The following CNTN5 variants were observed in gnomAD, a reference collection of about 807,000 sequenced individuals.
CNTN5 encodes the protein contactin 5.
Under a neutral mutation model 129.1 loss-of-function variants are expected in CNTN5, and 77 were observed. That is an observed-to-expected ratio of 0.60 (90% CI 0.50 to 0.72). CNTN5 has a LOEUF of 0.72. CNTN5 is among the 30% of genes least tolerant of loss of function. The pLI is 0.00. For missense variants in CNTN5, 1,478 were observed against 1,328.8 expected, an observed-to-expected ratio of 1.11 and a Z score of -1.75; for synonymous variants, 509 against 465.6, an observed-to-expected ratio of 1.09 and a Z score of -1.20.
chr11:99,125,952 C>T (rs1159713365), intron 1 of CNTN5, among the ~76,000 whole-genome samples: 2 of 152,044 alleles, frequency 1.3e-5, no homozygotes, highest in African/African-American at 4.8e-5. Context: ...ATTCCACTTA[C>T]ATGTTCAGAA....
intron 9 of CNTN5, among the ~76,000 whole-genome samples, chr11:100,041,108 C>T (rs752011027): frequency 6.6e-6 from 1 of 152,110 alleles, no homozygotes; most frequent in Non-Finnish European, 1.5e-5. Context: ...CCTATTCGGC[C>T]ATCTTGGCTC....
chr11:99,460,297 ATTAT>A (rs1944647893), intron 2 of CNTN5, among the ~76,000 whole-genome samples: 1 of 151,542 alleles, frequency 6.6e-6, no homozygotes, highest in South Asian at 2.1e-4. Flanking sequence ...AGAAATATTA[ATTAT>A]TTAAGAAATT....
At chr11:99,934,744 G>A (rs1042084797) in intron 7 of CNTN5, among the ~76,000 whole-genome samples, 1 of 151,582 alleles carries the variant, frequency 6.6e-6, no homozygotes, top group South Asian at 2.1e-4. Flanking sequence ...AATTAGCTGG[G>A]TGTGGTGGTA....
intron 3 of CNTN5, among the ~76,000 whole-genome samples, chr11:99,761,050 A>C (rs1444603565): frequency 6.6e-6 from 1 of 152,124 alleles, no homozygotes; most frequent in Non-Finnish European, 1.5e-5. Flanking sequence ...GCTGTGATGA[A>C]AGATAAGTTA....
intron 1 of CNTN5, among the ~76,000 whole-genome samples, chr11:99,172,394 A>G (rs1377336601): frequency 6.6e-6 from 1 of 152,234 alleles, no homozygotes; most frequent in African/African-American, 2.4e-5. Flanking sequence ...TCGTTTAATT[A>G]AATTAATCTT....
intron 3 of CNTN5, among the ~76,000 whole-genome samples, chr11:99,688,227 A>G (rs1202478924): frequency 6.6e-6 from 1 of 152,200 alleles, no homozygotes; most frequent in Non-Finnish European, 1.5e-5. Flanking sequence ...TAATAAATGC[A>G]GACAGCATCT....
At chr11:99,812,366 T>C (rs1316797379) in intron 3 of CNTN5, among the ~76,000 whole-genome samples, 1 of 152,110 alleles carries the variant, frequency 6.6e-6, no homozygotes, top group Non-Finnish European at 1.5e-5. Context: ...TCTCATTTTG[T>C]GACCCAGTCA....
At chr11:100,054,176 A>G (rs1487973943) in intron 9 of CNTN5, among the ~76,000 whole-genome samples, 1 of 151,734 alleles carries the variant, frequency 6.6e-6, no homozygotes, top group African/African-American at 2.4e-5. Flanking sequence ...AGAGCAGCAC[A>G]AAAGAATTAA....
intron 7 of CNTN5, among the ~76,000 whole-genome samples, chr11:99,923,502 C>A (rs1402932376): frequency 2.0e-5 from 3 of 152,102 alleles, no homozygotes; most frequent in Non-Finnish European, 4.4e-5. Context: ...TCATTTATTA[C>A]TATTTTACTT....
In CNTN5 at chr11:100,081,393, C is replaced by G. The variant is rs186734104; in HGVS notation, c.1580+7099C>G. ...AACTTTAATGAAGTCAATTAAGAAA[C>G]CAGCAGAGGAAAAATTTTACTCACT... On this transcript the variant is annotated intron_variant, in intron 13 of 24. Coordinates refer to ENST00000524871, the MANE Select transcript of CNTN5 (RefSeq NM_014361.4). Among the ~76,000 whole-genome samples the G allele has an allele frequency of 1.5e-4, 23 of 152,140 alleles. No homozygotes were observed. In the East Asian group the frequency reaches 4.1e-3, roughly 27 times the overall value.
intron 7 of CNTN5, among the ~76,000 whole-genome samples, chr11:99,920,854 A>G (rs978026466): frequency 1.3e-5 from 2 of 152,160 alleles, no homozygotes; most frequent in African/African-American, 2.4e-5. Flanking sequence ...TCAACATACT[A>G]CTTTTGAGGG....
intron 3 of CNTN5, among the ~76,000 whole-genome samples, chr11:99,763,202 T>C (rs1315281264): frequency 6.6e-6 from 1 of 152,112 alleles, no homozygotes; most frequent in Non-Finnish European, 1.5e-5. Flanking sequence ...TGTGTATCAG[T>C]TTTTCACTTG....
intron 8 of CNTN5, among the ~76,000 whole-genome samples, chr11:99,989,696 T>TA (rs1348210773): frequency 6.6e-6 from 1 of 152,102 alleles, no homozygotes; most frequent in Non-Finnish European, 1.5e-5. Flanking sequence ...TACTTTTCTT[T>TA]AAAAAAAACT....
At chr11:99,815,181 A>T (rs1946543921) in intron 3 of CNTN5, among the ~76,000 whole-genome samples, 1 of 151,140 alleles carries the variant, frequency 6.6e-6, no homozygotes, top group Non-Finnish European at 1.5e-5. Flanking sequence ...AGATGTACAG[A>T]AAAACACACT....
intron 1 of CNTN5, among the ~76,000 whole-genome samples, chr11:99,029,791 T>A (rs1863276825): frequency 6.6e-6 from 1 of 152,192 alleles, no homozygotes; most frequent in African/African-American, 2.4e-5. Context: ...TATTTGAGTT[T>A]CTTCTCAGTT....
intron 1 of CNTN5, among the ~76,000 whole-genome samples, chr11:99,262,610 TTCTC>T (rs200552419): frequency 6.7e-6 from 1 of 148,782 alleles, no homozygotes; most frequent in Non-Finnish European, 1.5e-5. Context: ...CTTTTTTTTT[TTCTC>T]TCTCTTTTTT....
chr11:100,257,134 G>A (rs563018308), intron 17 of CNTN5, among the ~76,000 whole-genome samples: 8 of 152,086 alleles, frequency 5.3e-5, no homozygotes, highest in Non-Finnish European at 8.8e-5. Flanking sequence ...GGATTGAGTC[G>A]GTGGTTTACC....
At chr11:99,490,390 C>G (rs1046939004) in intron 2 of CNTN5, among the ~76,000 whole-genome samples, 2 of 152,122 alleles carry the variant, frequency 1.3e-5, no homozygotes, top group African/African-American at 4.8e-5. Flanking sequence ...TGCTTACAAA[C>G]ATAATTTTTA....
At chr11:99,105,369 G>T (rs990363362) in intron 1 of CNTN5, among the ~76,000 whole-genome samples, 2 of 152,136 alleles carry the variant, frequency 1.3e-5, no homozygotes, top group African/African-American at 4.8e-5. Context: ...CTTGTGCAAA[G>T]AATATGTTAT....
Sources: gnomAD v4.1 joint callset for allele counts (sites outside exome capture counted in the v4.1 genomes callset) on GRCh38, gnomAD v4.1.1 for gene constraint, MANE v1.5 for transcripts, NCBI Gene and HGNC (gene_info 2026-07-23, HGNC 2026-07-21) for gene names.